The following SKP1 variants were observed in gnomAD, a reference collection of about 807,000 sequenced individuals.
The protein encoded by SKP1 is S-phase kinase associated protein 1.
In SKP1, 1 loss-of-function variant was observed where a neutral mutation model predicts 21.5. The observed-to-expected ratio is 0.05, with a 90% CI of 0.02 to 0.22. The LOEUF is 0.22. Ranked by LOEUF, SKP1 falls within the 10% of genes least tolerant of loss-of-function variation. SKP1 has a pLI of 1.00. For synonymous variants in SKP1, 59 were observed against 59.3 expected (o/e 0.99, Z 0.03); for missense variants, 70 against 192.0 (o/e 0.36, Z 3.76).
rs1761003947 is a variant in SKP1 at position 134,149,382 on chromosome 5, A to G, written c.*8351T>C. 1 of 152,218 alleles carries G rather than the reference A, an allele frequency of 6.6e-6. No homozygotes were observed. The highest frequency in any genetic ancestry group is 1.5e-5 in the Non-Finnish European group (1 of 68,038). The allele number at this position is 152,218 out of a possible 1,614,324, so 9.4% of individuals were successfully genotyped here. A position where few individuals can be genotyped will look rare whatever the true frequency, so the allele number is the denominator to read the frequency against. On this transcript the variant is annotated 3_prime_UTR_variant, in exon 6 of 6. Coordinates refer to ENST00000353411, the MANE Select transcript of SKP1 (RefSeq NM_170679.3). ...TCTTCCTGAGACCTATCATGAATGTAAAAGGTGTCATGAAGGCACCTCAAT... is the reference window on the plus strand; with the variant it reads ...TCTTCCTGAGACCTATCATGAATGTGAAAGGTGTCATGAAGGCACCTCAAT...
At chr5:134,158,857 G>A (rs1561718213) in intron 4 of SKP1, among the ~76,000 whole-genome samples, 1 of 152,154 alleles carries the variant, frequency 6.6e-6, no homozygotes, top group African/African-American at 2.4e-5. Flanking sequence ...CTACTGTTGT[G>A]TATGTGTGTA....
At chr5:134,162,327 A>C (rs1257776414) in intron 3 of SKP1, among the ~76,000 whole-genome samples, 2 of 152,172 alleles carry the variant, frequency 1.3e-5, no homozygotes, top group Non-Finnish European at 2.9e-5. Context: ...CCTGAACTCA[A>C]GCAATTCACC....
chr5:134,174,490 T>C, intron 1 of SKP1: 5 of 987,264 alleles, frequency 5.1e-6, no homozygotes, highest in Non-Finnish European at 6.0e-6. Flanking sequence ...ATCCAAAGAG[T>C]ACATCAGAAT....
At chr5:134,174,281 A>C (rs1761498376) in intron 1 of SKP1, among the ~76,000 whole-genome samples, 1 of 152,232 alleles carries the variant, frequency 6.6e-6, no homozygotes, top group Middle Eastern at 3.2e-3. Flanking sequence ...TATTGGTATA[A>C]ATTTAATAAA....
chr5:134,166,580 C>CCA (rs1761336463), intron 3 of SKP1, among the ~76,000 whole-genome samples: 1 of 52,528 alleles, frequency 1.9e-5, no homozygotes, highest in African/African-American at 8.3e-5. Flanking sequence ...ACTCTGGTCT[C>CCA]AAAAAAAAAA....
At chr5:134,159,383 T>C (rs564843608) in intron 4 of SKP1, among the ~76,000 whole-genome samples, 1 of 150,836 alleles carries the variant, frequency 6.6e-6, no homozygotes, top group East Asian at 1.9e-4. Context: ...CCTTTTACAA[T>C]GGAGACTTTT....
At position 134,151,366 on chromosome 5, in the gene SKP1, C is replaced by G. The variant is rs1761040382; in HGVS notation, c.*6367G>C. On this transcript the variant is annotated 3_prime_UTR_variant, in exon 6 of 6. Coordinates refer to ENST00000353411, the MANE Select transcript of SKP1 (RefSeq NM_170679.3). ...CCACTCTGGAAACCCTGCTTGAGTA[C>G]TTGAGGATAGAGTACAGCTTCTCTA... 1 of 161,294 alleles carries G rather than the reference C, an allele frequency of 6.2e-6. No homozygotes were observed. The highest frequency in any genetic ancestry group is 2.4e-5 in the African/African-American group (1 of 41,712). 10.0% of individuals were successfully genotyped at this position (161,294 alleles called of 1,614,324 possible).
intron 3 of SKP1, chr5:134,161,998 T>C (rs1761229168): frequency 1.3e-5 from 2 of 151,370 alleles, no homozygotes; most frequent in South Asian, 4.2e-4. Flanking sequence ...CATAGCAAAA[T>C]GTTGGAGGAG....
chr5:134,174,104 C>T (rs1343729241), intron 1 of SKP1, 82 bp from the exon 2 acceptor site: 1 of 852,232 alleles, frequency 1.2e-6, no homozygotes, highest in Non-Finnish European at 2.0e-6. Flanking sequence ...CATCAGAAGG[C>T]TCTAACTTAT....
intron 2 of SKP1, among the ~76,000 whole-genome samples, chr5:134,168,255 A>G (rs1761370503): frequency 6.6e-6 from 1 of 152,222 alleles, no homozygotes; most frequent in African/African-American, 2.4e-5. Flanking sequence ...CTCCAGATGA[A>G]CTGTATTTTA....
At position 134,151,555 on chromosome 5, in the gene SKP1, T is replaced by C. The variant is rs576603131; in HGVS notation, c.*6178A>G. On this transcript the variant is annotated 3_prime_UTR_variant, in exon 6 of 6. Transcript: ENST00000353411. ...TCAAAGTGAGAGCACTTTAAGGAAA[T>C]AAGCTGATCCTCAGTGTGCAATAAG... 2.6e-6 allele frequency: 1 copy of C among 381,928 alleles called. No individual in the cohort carries two copies. The highest frequency in any genetic ancestry group is 1.9e-5 in the South Asian group (1 of 53,012). The allele number at this position is 381,928 out of a possible 1,614,324, so 23.7% of individuals were successfully genotyped here.
chr5:134,150,888 A>G lies in SKP1; in HGVS notation c.*6845T>C, dbSNP rs561298343. 3 of 152,382 alleles carry G rather than the reference A, an allele frequency of 2.0e-5. No individual in the cohort carries two copies. The South Asian group carries it at 6.2e-4, about 32-fold the overall frequency. 9.4% of individuals were successfully genotyped at this position (152,382 alleles called of 1,614,324 possible). ...AACGGCACCGAGTTTGAAAACAGGA[A>G]ACATAGATGGTGGGGATGTTCACAT... On this transcript the variant is annotated 3_prime_UTR_variant, in exon 6 of 6. Coordinates refer to ENST00000353411, the MANE Select transcript of SKP1 (RefSeq NM_170679.3).
Position 134,149,083 on chromosome 5 carries a change from A to G in SKP1, c.*8650T>C, listed in dbSNP as rs1760993569. ...ATTTTTAGATTATTTGTATACATTT[A>G]GGGGGTACAAGTGCAGCTGTGTTAC... On this transcript the variant is annotated 3_prime_UTR_variant, in exon 6 of 6. Coordinates refer to ENST00000353411, the MANE Select transcript of SKP1 (RefSeq NM_170679.3). The G allele has an allele frequency of 6.6e-6, 1 of 152,094 alleles. No homozygotes were observed. Among genetic ancestry groups the G allele is most frequent in the South Asian group, 2.1e-4 (1 of 4,826 alleles). 9.4% of individuals were successfully genotyped at this position (152,094 alleles called of 1,614,324 possible).
chr5:134,166,580 C>CAAAA lies in SKP1; in HGVS notation c.171+586_171+589dup, dbSNP rs36106913. On this transcript the variant is annotated intron_variant, in intron 3 of 5. Transcript: ENST00000353411. Reference sequence around the variant, plus strand: ...TGGCGACAGAGCAAGACTCTGGTCTCAAAAAAAAAAAAAAAAAAAAAAAAA... The same window carrying CAAAA: ...TGGCGACAGAGCAAGACTCTGGTCTCAAAAAAAAAAAAAAAAAAAAAAAAAAAAA... 1.8e-3 allele frequency among the ~76,000 whole-genome samples: 95 copies of CAAAA among 52,510 alleles called. 13 individuals are homozygous for CAAAA. The highest frequency in any genetic ancestry group is 0.019 in the Middle Eastern group (1 of 54). 34.4% of individuals were successfully genotyped at this position (52,510 alleles called of 152,430 possible).
intron 2 of SKP1, chr5:134,173,711 T>C (rs1296139087): frequency 1.6e-6 from 1 of 643,164 alleles, no homozygotes; most frequent in Non-Finnish European, 2.9e-6. Context: ...CTTATGATTT[T>C]ATCCATTTAA....
chr5:134,163,501 ACTT>A (rs1305272967), intron 3 of SKP1, among the ~76,000 whole-genome samples: 2 of 150,840 alleles, frequency 1.3e-5, no homozygotes, highest in Non-Finnish European at 2.9e-5. Context: ...AAAAAAAAAA[ACTT>A]CTCGGCTGGG....
At position 134,159,473 on chromosome 5, in the gene SKP1, T is replaced by G. The variant is rs28847142; in HGVS notation, c.316-878A>C. Among the ~76,000 whole-genome samples the G allele has an allele frequency of 3.1e-3, 474 of 151,708 alleles. 2 individuals are homozygous for G. The highest frequency in any genetic ancestry group is 9.8e-3 in the African/African-American group (405 of 41,298). ...TCGGCTCACTGCAATCTCTACCTCCTAGGTTCAGCCAATTCTCTTGCTTCA... is the reference window on the plus strand; with the variant it reads ...TCGGCTCACTGCAATCTCTACCTCCGAGGTTCAGCCAATTCTCTTGCTTCA... On this transcript the variant is annotated intron_variant, in intron 4 of 5. Coordinates refer to ENST00000353411, the MANE Select transcript of SKP1 (RefSeq NM_170679.3).
intron 3 of SKP1, among the ~76,000 whole-genome samples, chr5:134,166,241 T>A (rs1761328170): frequency 6.9e-6 from 1 of 145,394 alleles, no homozygotes; most frequent in Admixed American, 6.9e-5. Flanking sequence ...TTTCATTTTG[T>A]TATATGGAAA....
chr5:134,157,901 G>C (rs906704657), intron 5 of SKP1, 133 bp from the exon 6 acceptor site: 5 of 1,582,282 alleles, frequency 3.2e-6, no homozygotes, highest in African/African-American at 1.4e-5. Context: ...AACAACACCA[G>C]GTTAAGACTA....
Sources: allele counts gnomAD v4.1 joint callset (sites outside exome capture counted in the v4.1 genomes callset), GRCh38; gene constraint gnomAD v4.1.1; transcripts MANE v1.5; gene names NCBI Gene and HGNC (gene_info 2026-07-23, HGNC 2026-07-21).